Variants in REEP1 observed in about 807,000 individuals in gnomAD.
The protein encoded by REEP1 is receptor accessory protein 1.
A neutral mutation model predicts 40.3 loss-of-function variants in REEP1; 22 were observed. That is an observed-to-expected ratio of 0.55 (90% CI 0.39 to 0.78). The LOEUF (loss-of-function observed/expected upper bound fraction) is 0.78, where lower values mean the gene tolerates loss of function less well. REEP1 is among the 30% of genes least tolerant of loss of function. REEP1 has a pLI of 0.00. For missense variants in REEP1, 280 were observed against 361.1 expected (o/e 0.78, Z 1.82); for synonymous variants, 116 against 139.2 (o/e 0.83, Z 1.17).
chr2:86,224,684 C>T (rs1674595873), intron 7 of REEP1, among the ~76,000 whole-genome samples: 1 of 152,246 alleles, frequency 6.6e-6, no homozygotes, highest in African/African-American at 2.4e-5. Context: ...CAACCCCCAT[C>T]CCAGCAGCAA....
intron 1 of REEP1, among the ~76,000 whole-genome samples, chr2:86,328,059 T>C (rs956687214): frequency 6.6e-6 from 1 of 152,134 alleles, no homozygotes; most frequent in African/African-American, 2.4e-5. Flanking sequence ...AGAGCCTGGA[T>C]TCCACAACAC....
intron 7 of REEP1, among the ~76,000 whole-genome samples, chr2:86,226,479 T>C (rs1674713450): frequency 1.5e-5 from 2 of 130,764 alleles, no homozygotes; most frequent in East Asian, 2.1e-4. Flanking sequence ...TTTTTTTTTT[T>C]TTTTTTTTGA....
intron 2 of REEP1, among the ~76,000 whole-genome samples, chr2:86,274,946 C>G (rs919449585): frequency 6.6e-6 from 1 of 152,122 alleles, no homozygotes; most frequent in Non-Finnish European, 1.5e-5. Context: ...CATTCTACCC[C>G]ACTGCCAGAG....
At chr2:86,299,397 C>T (rs959471922) in intron 1 of REEP1, among the ~76,000 whole-genome samples, 1 of 152,194 alleles carries the variant, frequency 6.6e-6, no homozygotes, top group African/African-American at 2.4e-5. Context: ...CCAAAAACAT[C>T]TCCAGACACC....
At chr2:86,222,233 G>A (rs1395324706) in intron 7 of REEP1, among the ~76,000 whole-genome samples, 2 of 152,296 alleles carry the variant, frequency 1.3e-5, no homozygotes, top group East Asian at 1.9e-4. Context: ...CCACTGCAAG[G>A]ATTGCAGGGT....
intron 1 of REEP1, among the ~76,000 whole-genome samples, chr2:86,336,069 A>T (rs1002243008): frequency 2.0e-5 from 3 of 152,078 alleles, no homozygotes; most frequent in Non-Finnish European, 4.4e-5. Context: ...GGCAATATCG[A>T]TCCCAGAGAG....
At chr2:86,259,227 T>C (rs28687428) in intron 3 of REEP1, among the ~76,000 whole-genome samples, 11,333 of 149,502 alleles carry the variant, frequency 0.076, 1,414 homozygotes, top group African/African-American at 0.26. Flanking sequence ...GAGGCAGAGA[T>C]TGCAGTGAGC....
At chr2:86,218,776 C>T (rs1273497774) in intron 8 of REEP1, among the ~76,000 whole-genome samples, 2 of 152,204 alleles carry the variant, frequency 1.3e-5, no homozygotes, top group Admixed American at 1.3e-4. Context: ...GCATGTGTGC[C>T]TCACCTTGCA....
chr2:86,283,413 A>G (rs79280180), intron 1 of REEP1, among the ~76,000 whole-genome samples: 8,569 of 152,256 alleles, frequency 0.056, 286 homozygotes, highest in Middle Eastern at 0.13. Flanking sequence ...ATGAGCTGAC[A>G]TCTCCTGTGA....
chr2:86,269,553 T>G (rs1677323884), intron 2 of REEP1, among the ~76,000 whole-genome samples: 2 of 152,284 alleles, frequency 1.3e-5, no homozygotes, highest in South Asian at 4.1e-4. Flanking sequence ...CAATTTTGCA[T>G]TGCTCTTTTG....
intron 1 of REEP1, among the ~76,000 whole-genome samples, chr2:86,297,103 C>T (rs1445263898): frequency 6.6e-6 from 1 of 152,204 alleles, no homozygotes; most frequent in Non-Finnish European, 1.5e-5. Flanking sequence ...CACTGTGCTA[C>T]CAACCACCCA....
At chr2:86,316,470 C>T (rs1680013047) in intron 1 of REEP1, among the ~76,000 whole-genome samples, 1 of 150,986 alleles carries the variant, frequency 6.6e-6, no homozygotes, top group Non-Finnish European at 1.5e-5. Context: ...ATCACTTGAA[C>T]CTGGCAGGCA....
chr2:86,331,857 A>G (rs1680781876), intron 1 of REEP1, among the ~76,000 whole-genome samples: 1 of 152,168 alleles, frequency 6.6e-6, no homozygotes, highest in African/African-American at 2.4e-5. Flanking sequence ...TTCCCTGCAT[A>G]AAGCACTCTT....
chr2:86,273,282 CTT>C (rs1191260583), intron 2 of REEP1, among the ~76,000 whole-genome samples: 161 of 138,758 alleles, frequency 1.2e-3, no homozygotes, highest in African/African-American at 3.8e-3. Context: ...TGGCCCCTAC[CTT>C]TTTTTTTTTT....
In REEP1 at chr2:86,309,227, C is replaced by T. The variant is rs959594623; in HGVS notation, c.33-26985G>A. On this transcript the variant is annotated intron_variant, in intron 1 of 8. Coordinates refer to ENST00000538924, the MANE Select transcript of REEP1 (RefSeq NM_001371279.1). ...ACTTCCCCTCGGCCTCCCGTCAGCA[C>T]CCCTAACCTCTCTGGACCTGTAAGT... is the stretch of plus-strand genomic sequence containing the variant. Among the ~76,000 whole-genome samples the T allele has an allele frequency of 3.3e-5, 5 of 152,232 alleles. 1 individual carries two copies. Among genetic ancestry groups the T allele is most frequent in the Admixed American group, 6.5e-5 (1 of 15,284 alleles).
At chr2:86,292,218 A>G (rs535443929) in intron 1 of REEP1, among the ~76,000 whole-genome samples, 2 of 152,164 alleles carry the variant, frequency 1.3e-5, no homozygotes, top group South Asian at 2.1e-4. Flanking sequence ...TTCAACAGCC[A>G]CTATGCAGAT....
chr2:86,220,323 GTGAA>G (rs766298706), intron 7 of REEP1, among the ~76,000 whole-genome samples: 1 of 152,202 alleles, frequency 6.6e-6, no homozygotes, highest in Non-Finnish European at 1.5e-5. Flanking sequence ...GTGCAGTTGT[GTGAA>G]TCTCCAGGCA....
chr2:86,257,636 C>CTT (rs58647410), intron 3 of REEP1, among the ~76,000 whole-genome samples: 10 of 133,774 alleles, frequency 7.5e-5, no homozygotes, highest in East Asian at 2.1e-4. Flanking sequence ...CCTCACTCAT[C>CTT]TTTTTTTTTT....
chr2:86,226,637 T>C (rs1674723788), intron 7 of REEP1, among the ~76,000 whole-genome samples: 1 of 151,028 alleles, frequency 6.6e-6, no homozygotes, highest in Non-Finnish European at 1.5e-5. Flanking sequence ...CCTGGCTTTT[T>C]TTTTTTTTTA....
Sources: gnomAD v4.1 joint callset for allele counts (sites outside exome capture counted in the v4.1 genomes callset) on GRCh38, gnomAD v4.1.1 for gene constraint, MANE v1.5 for transcripts, NCBI Gene and HGNC (gene_info 2026-07-23, HGNC 2026-07-21) for gene names.